The following TBC1D5 variants were observed in gnomAD, a reference collection of about 807,000 sequenced individuals.
TBC1D5 encodes TBC1 domain family member 5, also known as TBC1 domain family, member 5.
In TBC1D5, 75 loss-of-function variants were observed where a neutral mutation model predicts 100.3. That is an observed-to-expected ratio of 0.75 (90% CI 0.62 to 0.91). TBC1D5 has a LOEUF of 0.91. Among genes scored for constraint, TBC1D5 ranks in the 40% least tolerant of loss-of-function variants. The pLI is 0.00. For missense variants in TBC1D5, 910 were observed against 942.4 expected (o/e 0.97, Z 0.45); for synonymous variants, 323 against 325.6 (o/e 0.99, Z 0.09).
At chr3:17,299,498 C>A (rs190188306) in intron 14 of TBC1D5, among the ~76,000 whole-genome samples, 16 of 152,006 alleles carry the variant, frequency 1.1e-4, no homozygotes, top group South Asian at 2.1e-4. Context: ...CAAGAGTGAA[C>A]CCTAATGTAA....
intron 2 of TBC1D5, among the ~76,000 whole-genome samples, chr3:17,611,338 C>G (rs934479963): frequency 2.0e-5 from 3 of 152,032 alleles, no homozygotes; most frequent in Non-Finnish European, 4.4e-5. Context: ...AGAGATGATA[C>G]TTTAAGCCTC....
intron 3 of TBC1D5, among the ~76,000 whole-genome samples, chr3:17,479,228 T>C (rs977692692): frequency 2.6e-5 from 4 of 151,910 alleles, no homozygotes; most frequent in East Asian, 1.9e-4. Context: ...ACTGAGACCC[T>C]GTCTCTACAA....
Position 17,247,977 on chromosome 3 carries a change from T to C in TBC1D5, c.1332-9558A>G, listed in dbSNP as rs2076876050. Among the ~76,000 whole-genome samples the C allele has an allele frequency of 2.0e-5, 3 of 151,044 alleles. No homozygotes were observed. In the South Asian group the frequency reaches 6.3e-4, roughly 32 times the overall value. On this transcript the variant is annotated intron_variant, in intron 16 of 21. Transcript: ENST00000253692. ...TGCTATTTTCACCCCATGTGGTTACTTCCTCCACTAATTTTTTTTTTTTTT... is the reference window on the plus strand; with the variant it reads ...TGCTATTTTCACCCCATGTGGTTACCTCCTCCACTAATTTTTTTTTTTTTT...
At chr3:17,404,536 T>G (rs909047248) in intron 7 of TBC1D5, among the ~76,000 whole-genome samples, 158 bp downstream of exon 7, 2 of 152,052 alleles carry the variant, frequency 1.3e-5, no homozygotes, top group Non-Finnish European at 2.9e-5. Flanking sequence ...ATATATGTAA[T>G]GTAAAATCAT....
intron 17 of TBC1D5, among the ~76,000 whole-genome samples, chr3:17,215,758 T>G (rs1213614442): frequency 6.6e-6 from 1 of 152,118 alleles, no homozygotes; most frequent in African/African-American, 2.4e-5. Flanking sequence ...GCAGCAAAGC[T>G]GACTGAGAAG....
intron 1 of TBC1D5, among the ~76,000 whole-genome samples, chr3:17,640,357 A>G (rs992937219): frequency 6.6e-6 from 1 of 152,172 alleles, no homozygotes; most frequent in Non-Finnish European, 1.5e-5. Flanking sequence ...ACTTTATTAA[A>G]ACTAAATAAA....
At chr3:17,363,057 T>A (rs1309457684) in intron 13 of TBC1D5, among the ~76,000 whole-genome samples, 1 of 152,200 alleles carries the variant, frequency 6.6e-6, no homozygotes, top group African/African-American at 2.4e-5. Context: ...TTTCATTTAT[T>A]TTCTGTTATT....
At chr3:17,269,803 T>C (rs1197351863) in intron 15 of TBC1D5, among the ~76,000 whole-genome samples, 1 of 152,182 alleles carries the variant, frequency 6.6e-6, no homozygotes, top group Non-Finnish European at 1.5e-5. Flanking sequence ...GCTACATCTA[T>C]GTTGCTGTAA....
intron 2 of TBC1D5, among the ~76,000 whole-genome samples, chr3:17,540,200 G>T (rs957108382): frequency 3.9e-5 from 6 of 152,142 alleles, no homozygotes; most frequent in Non-Finnish European, 8.8e-5. Flanking sequence ...TTTTGTTGTT[G>T]AGTTGTAGGA....
At chr3:17,371,101 ACCCAC>A (rs2092430676) in intron 13 of TBC1D5, among the ~76,000 whole-genome samples, 1 of 151,646 alleles carries the variant, frequency 6.6e-6, no homozygotes, top group Non-Finnish European at 1.5e-5. Context: ...ACACATGCAC[ACCCAC>A]CCCTAAGGAG....
chr3:17,642,896 G>A (rs368460224), intron 1 of TBC1D5, among the ~76,000 whole-genome samples: 5 of 152,000 alleles, frequency 3.3e-5, no homozygotes, highest in South Asian at 4.2e-4. Flanking sequence ...AAATAGCACC[G>A]AATTCCCACA....
chr3:17,563,110 G>A (rs538915652), intron 2 of TBC1D5, among the ~76,000 whole-genome samples: 1 of 152,332 alleles, frequency 6.6e-6, no homozygotes, highest in Non-Finnish European at 1.5e-5. Context: ...GTGAGTAAGA[G>A]AGAGTTTTCA....
chr3:17,567,043 ATTTTTACCAATAAAT>A (rs1262168981), intron 2 of TBC1D5, among the ~76,000 whole-genome samples: 5 of 151,890 alleles, frequency 3.3e-5, no homozygotes, highest in African/African-American at 7.2e-5. Context: ...CTATGCCTAC[ATTTTTACCAATAAAT>A]GACATTTTGC....
intron 19 of TBC1D5, among the ~76,000 whole-genome samples, chr3:17,180,235 T>A (rs543183837): frequency 6.6e-6 from 1 of 152,362 alleles, no homozygotes; most frequent in South Asian, 2.1e-4. Context: ...TTGGAGGTAA[T>A]AAAATTAGAA....
At chr3:17,238,790 C>T (rs2733497) in intron 16 of TBC1D5, among the ~76,000 whole-genome samples, 62,145 of 151,884 alleles carry the variant, frequency 0.41, 13,414 homozygotes, top group Middle Eastern at 0.49. Context: ...TTAAAACCTG[C>T]GACTGGACTA....
intron 18 of TBC1D5, among the ~76,000 whole-genome samples, chr3:17,211,239 G>A (rs34966714): frequency 5.8e-4 from 89 of 152,272 alleles, no homozygotes; most frequent in Non-Finnish European, 7.6e-4. Flanking sequence ...TGTTTCCTTG[G>A]AGCACTCCTA....
chr3:17,703,059 G>A (rs1447519754), intron 1 of TBC1D5, among the ~76,000 whole-genome samples: 1 of 151,980 alleles, frequency 6.6e-6, no homozygotes, highest in Non-Finnish European at 1.5e-5. Flanking sequence ...GGAAATTTAT[G>A]AAGTTAAAAA....
At chr3:17,234,973 T>C (rs1007788888) in intron 17 of TBC1D5, among the ~76,000 whole-genome samples, 2 of 152,150 alleles carry the variant, frequency 1.3e-5, no homozygotes, top group African/African-American at 2.4e-5. Context: ...TTAGTGGAAA[T>C]GGGCCCCAGA....
chr3:17,336,636 C>A (rs1048612151), intron 13 of TBC1D5, among the ~76,000 whole-genome samples: 22 of 151,874 alleles, frequency 1.4e-4, no homozygotes, highest in African/African-American at 3.6e-4. Flanking sequence ...CATAAATCCC[C>A]AGCAACCTGG....
Sources: allele counts gnomAD v4.1 joint callset (sites outside exome capture counted in the v4.1 genomes callset), GRCh38; gene constraint gnomAD v4.1.1; transcripts MANE v1.5; gene names NCBI Gene and HGNC (gene_info 2026-07-23, HGNC 2026-07-21).